Variants in PLSCR1 observed in about 807,000 individuals in gnomAD.
PLSCR1 encodes the protein phospholipid scramblase 1.
A neutral mutation model predicts 37.8 loss-of-function variants in PLSCR1; 17 were observed. The ratio of observed to expected loss-of-function variants is 0.45; its 90% CI spans 0.31 to 0.68. PLSCR1 has a LOEUF of 0.68. Among genes scored for constraint, PLSCR1 ranks in the 30% least tolerant of loss-of-function variants. The probability of loss-of-function intolerance (pLI) is 0.06; values close to 1 mark genes in which losing one functional copy is unlikely to be tolerated. For missense variants in PLSCR1, 347 were observed against 380.9 expected (o/e 0.91, Z 0.74); for synonymous variants, 116 against 125.9 (o/e 0.92, Z 0.53).
chr3:146,525,086 G>A (rs1324773663), intron 5 of PLSCR1, among the ~76,000 whole-genome samples: 1 of 152,170 alleles, frequency 6.6e-6, no homozygotes, highest in Non-Finnish European at 1.5e-5. Flanking sequence ...CTTCTATGAA[G>A]CCAAGCCTGC....
At chr3:146,528,586 T>C (rs762084286) in intron 4 of PLSCR1, 28 bp downstream of exon 4, 3 of 1,551,604 alleles carry the variant, frequency 1.9e-6, no homozygotes, top group African/African-American at 2.7e-5. Context: ...TTCTGTTTTT[T>C]ATGAGTATTT....
intron 5 of PLSCR1, among the ~76,000 whole-genome samples, chr3:146,522,696 G>A (rs532878869): frequency 6.6e-6 from 1 of 152,298 alleles, no homozygotes; most frequent in South Asian, 2.1e-4. Context: ...TCTGCACTGA[G>A]GGGGATTAGT....
chr3:146,525,412 G>A, intron 5 of PLSCR1, 193 bp downstream of exon 5: 2 of 518,920 alleles, frequency 3.9e-6, no homozygotes, highest in Non-Finnish European at 6.9e-6. Flanking sequence ...GAGGGCAGGT[G>A]CCCAACATAA....
intron 1 of PLSCR1, among the ~76,000 whole-genome samples, chr3:146,544,245 G>A (rs1393971668): frequency 6.6e-6 from 1 of 152,188 alleles, no homozygotes. Context: ...CCGTGTACCT[G>A]CTCCACTTCC....
intron 1 of PLSCR1, among the ~76,000 whole-genome samples, chr3:146,544,165 A>G (rs1316488520): frequency 6.6e-6 from 1 of 152,204 alleles, no homozygotes; most frequent in Admixed American, 6.5e-5. Flanking sequence ...GTTTTCAGGC[A>G]GGGCACCCCT....
At chr3:146,521,295 A>G (rs1296745557) in intron 7 of PLSCR1, among the ~76,000 whole-genome samples, 1 of 152,176 alleles carries the variant, frequency 6.6e-6, no homozygotes, top group Non-Finnish European at 1.5e-5. Context: ...CGTTTAAGTG[A>G]GGGATGATTT....
chr3:146,534,587 C>T (rs2044241493), intron 2 of PLSCR1, among the ~76,000 whole-genome samples: 1 of 152,022 alleles, frequency 6.6e-6, no homozygotes, highest in East Asian at 1.9e-4. Context: ...CTTTCTCCTT[C>T]ATAAATAGCT....
At chr3:146,536,885 A>G (rs2044272479) in intron 1 of PLSCR1, 2 of 229,720 alleles carry the variant, frequency 8.7e-6, no homozygotes. Flanking sequence ...TAACCAAGCT[A>G]ATAACATCAA....
intron 3 of PLSCR1, among the ~76,000 whole-genome samples, chr3:146,530,948 T>C (rs75746701): frequency 0.026 from 3,951 of 152,336 alleles, 198 homozygotes; most frequent in African/African-American, 0.092. Flanking sequence ...CATCATTGTT[T>C]AATGAGAGAG....
chr3:146,519,240 G>A (rs1008662875), intron 7 of PLSCR1, among the ~76,000 whole-genome samples: 3 of 152,002 alleles, frequency 2.0e-5, no homozygotes, highest in African/African-American at 7.2e-5. Flanking sequence ...TTGACCATTA[G>A]GATTGTCTGC....
chr3:146,526,209 GAAAAAAA>G (rs1022411863), intron 4 of PLSCR1, among the ~76,000 whole-genome samples: 1 of 116,672 alleles, frequency 8.6e-6, no homozygotes, highest in Non-Finnish European at 1.8e-5. Context: ...AAAAAAGAAA[GAAAAAAA>G]AAAGAAAAGA....
chr3:146,521,757 C>G (rs751097095), intron 6 of PLSCR1, 52 bp from the exon 7 acceptor site: 1 of 1,578,864 alleles, frequency 6.3e-7, no homozygotes, highest in South Asian at 1.1e-5. Context: ...TGCCTAGGTT[C>G]GATGAAAGGT....
rs780102158 is a variant in PLSCR1 at position 146,517,082 on chromosome 3, T to C, written c.824A>G (p.Asp275Gly). Residue 275 changes from aspartate (D) to glycine (G), a missense_variant, in exon 8 of 9, where the codon GAT becomes GGT. By Grantham distance (94) the Asp-to-Gly change is moderately conservative. Coordinates refer to ENST00000342435, the MANE Select transcript of PLSCR1 (RefSeq NM_021105.3). Reference sequence around the variant, plus strand: ...TAAAGGGAACTGGATTCCAAAGTTATCAGCGTCTGTAAATGCCTCTCTCAA... The same window carrying C: ...TAAAGGGAACTGGATTCCAAAGTTACCAGCGTCTGTAAATGCCTCTCTCAA... ...GILREAFTDA[D>G]NFGIQFPLDL... The C allele has an allele frequency of 6.2e-6, 10 of 1,603,850 alleles. No homozygotes were observed. Among genetic ancestry groups the C allele is most frequent in the African/African-American group, 1.3e-5 (1 of 74,308 alleles).
intron 1 of PLSCR1, chr3:146,536,867 C>T (rs1275892788): frequency 7.9e-6 from 2 of 254,314 alleles, no homozygotes; most frequent in Non-Finnish European, 1.5e-5. Context: ...AGCTAAGACT[C>T]CAAGTAGTAA....
chr3:146,544,128 C>T (rs767268881), intron 1 of PLSCR1, among the ~76,000 whole-genome samples: 4 of 152,174 alleles, frequency 2.6e-5, no homozygotes, highest in African/African-American at 4.8e-5. Context: ...AGCAGTGTAG[C>T]TAAGGGGAAG....
chr3:146,535,610 C>A (rs2044256119), intron 2 of PLSCR1, among the ~76,000 whole-genome samples: 1 of 152,062 alleles, frequency 6.6e-6, no homozygotes, highest in African/African-American at 2.4e-5. Context: ...TACATACATA[C>A]AATTATATAT....
At chr3:146,531,471 A>G (rs2044197581) in intron 3 of PLSCR1, among the ~76,000 whole-genome samples, 3 of 152,246 alleles carry the variant, frequency 2.0e-5, no homozygotes, top group Admixed American at 1.3e-4. Context: ...TAGGCAGACC[A>G]GTGGGGATAT....
chr3:146,527,382 T>C (rs2044132296), intron 4 of PLSCR1, among the ~76,000 whole-genome samples: 1 of 152,224 alleles, frequency 6.6e-6, no homozygotes, highest in Admixed American at 6.5e-5. Context: ...AAGTGACAGA[T>C]ATGCTAATTA....
intron 4 of PLSCR1, among the ~76,000 whole-genome samples, chr3:146,526,192 AAAAAAAAAAAAAG>A (rs956292425): frequency 1.4e-5 from 2 of 142,754 alleles, no homozygotes; most frequent in African/African-American, 5.1e-5. Flanking sequence ...TCAAAAAAAA[AAAAAAAAAAAAAG>A]AAAGAAAAAA....
Sources: gnomAD v4.1 joint callset for allele counts (sites outside exome capture counted in the v4.1 genomes callset) on GRCh38, gnomAD v4.1.1 for gene constraint, MANE v1.5 for transcripts, NCBI Gene and HGNC (gene_info 2026-07-23, HGNC 2026-07-21) for gene names.